ODAD4: variants seen among roughly 807,000 people sequenced by gnomAD.
ODAD4 encodes outer dynein arm-docking complex subunit 4.
ODAD4 carries 49 observed loss-of-function variants against 51.8 expected under a neutral mutation model. The observed-to-expected ratio is 0.95, with a 90% CI of 0.75 to 1.20. The LOEUF (loss-of-function observed/expected upper bound fraction) is 1.20. Ranked by LOEUF, ODAD4 falls within the 50% of genes most tolerant of loss-of-function variation. The probability of loss-of-function intolerance (pLI) is 0.00; values close to 1 mark genes in which losing one functional copy is unlikely to be tolerated. For missense variants in ODAD4, 590 were observed against 586.5 expected (o/e 1.01, Z -0.06); for synonymous variants, 235 against 221.3 (o/e 1.06, Z -0.55).
chr17:41,958,538 T>TGTA (rs2050762671), intron 10 of ODAD4, among the ~76,000 whole-genome samples: 1 of 151,686 alleles, frequency 6.6e-6, no homozygotes, highest in Non-Finnish European at 1.5e-5. Context: ...GGCACACACC[T>TGTA]GTAGTCCCAG....
rs1598083444 is a variant in ODAD4, at chr17:41,949,281, A to G, written c.1274A>G (p.Gln425Arg). ...CAGAATTATGGCGAGAAGTCCCAGC[A>G]GTGTGCCGAGGAGGAAGGGGACATT... ...QAQNYGEKSQ[Q>R]CAEEEGDIEW... Residue 425 changes from glutamine to arginine, a missense_variant, in exon 9 of 12, where the codon CAG becomes CGG. Gln to Arg is a conservative substitution (Grantham distance 43). This residue lies in a region of ODAD4 where 226 missense variants were observed against 162.7 expected (regional missense o/e 1.39). Coordinates refer to ENST00000377540, the MANE Select transcript of ODAD4 (RefSeq NM_031421.5). 2.5e-6 allele frequency: 1 copy of G among 398,678 alleles called. No individual in the cohort carries two copies. The highest frequency in any genetic ancestry group is 3.6e-5 in the East Asian group (1 of 28,070). The allele number at this position is 398,678 out of a possible 1,614,324, so 24.7% of individuals were successfully genotyped here. A position where few individuals can be genotyped will look rare whatever the true frequency, so the allele number is the denominator to read the frequency against.
At chr17:41,945,099 T>G (rs374567885) in intron 7 of ODAD4, 37 bp from the exon 8 acceptor site, 2 of 1,544,888 alleles carry the variant, frequency 1.3e-6, no homozygotes, top group Non-Finnish European at 1.8e-6. Flanking sequence ...GAACAGCTGA[T>G]TTCTAGTGAA....
intron 10 of ODAD4, 40 bp downstream of exon 10, chr17:41,955,357 GGGGTT>G: frequency 1.3e-6 from 1 of 743,502 alleles, no homozygotes; most frequent in African/African-American, 1.7e-5. Flanking sequence ...TGTCAGGAGT[GGGGTT>G]GGGTGGTCAG....
At chr17:41,946,605 G>A (rs542908034) in intron 8 of ODAD4, among the ~76,000 whole-genome samples, 111 of 152,108 alleles carry the variant, frequency 7.3e-4, no homozygotes, top group African/African-American at 2.5e-3. Flanking sequence ...GATTACAGGC[G>A]TGAGCCACCG....
intron 11 of ODAD4, among the ~76,000 whole-genome samples, chr17:41,964,472 G>A (rs1209613972): frequency 6.6e-6 from 1 of 152,154 alleles, no homozygotes. Flanking sequence ...CTCACGTGAT[G>A]CACAGGACGG....
chr17:41,965,300 T>C lies in ODAD4; in HGVS notation c.1836T>C (p.Tyr612=), dbSNP rs782125166. 7 of 780,346 alleles carry C rather than the reference T, an allele frequency of 9.0e-6. No individual in the cohort carries two copies. The highest frequency in any genetic ancestry group is 4.8e-5 in the East Asian group (2 of 41,258). 48.3% of individuals were successfully genotyped at this position (780,346 alleles called of 1,614,324 possible). A position where few individuals can be genotyped will look rare whatever the true frequency, so the allele number is the denominator to read the frequency against. The change falls in exon 12 of 12, where the codon TAT becomes TAC. Residue 612 remains tyrosine (Y), a synonymous_variant. Transcript: ENST00000377540. ...EAGRRESREI[Y]RRPSGELEQR... is the part of the protein sequence containing the mutation. ...GCAGAAGAGAGTCAAGAGAAATTTATAGGAGGCCTTCGGGAGAATTAGAGC... is the reference window on the plus strand; with the variant it reads ...GCAGAAGAGAGTCAAGAGAAATTTACAGGAGGCCTTCGGGAGAATTAGAGC...
At chr17:41,944,433 C>CAA (rs2050554479) in intron 7 of ODAD4, among the ~76,000 whole-genome samples, 1 of 5,766 alleles carries the variant, frequency 1.7e-4, no homozygotes, top group Non-Finnish European at 8.3e-4. Context: ...CACACACACA[C>CAA]ACACACACAC....
In ODAD4 at chr17:41,936,926, A is replaced by T. The variant is rs879996172; in HGVS notation, c.624A>T (p.Glu208Asp). The change falls in exon 5 of 12, where the codon GAA becomes GAT. Residue 208 changes from glutamate (E) to aspartate (D), a missense_variant and splice_region_variant. Physicochemically the swap from Glu to Asp is conservative, Grantham distance 45. Transcript: ENST00000377540. Reference sequence around the variant, plus strand: ...ATTTGGAGAAGCTCCTATTGGATGAAGGTTTCGGACACTTTGTTGGCACGG... The same window carrying T: ...ATTTGGAGAAGCTCCTATTGGATGATGGTTTCGGACACTTTGTTGGCACGG... The part of the protein sequence containing the change: ...KEYLEKLLLD[E>D]DLIKGTMKGG... The T allele has an allele frequency of 1.7e-5, 28 of 1,613,634 alleles. No individual in the cohort carries two copies. The South Asian group carries it at 2.5e-4, about 15-fold the overall frequency.
chr17:41,941,187 C>T (rs1473307508), intron 7 of ODAD4, among the ~76,000 whole-genome samples: 2 of 152,206 alleles, frequency 1.3e-5, no homozygotes, highest in Admixed American at 6.5e-5. Context: ...TGCCTGTTTC[C>T]TCTGACCTGG....
In ODAD4 at chr17:41,930,640, G is replaced by A; in HGVS notation, c.-84G>A. 1.1e-6 allele frequency: 1 copy of A among 905,822 alleles called. No individual in the cohort carries two copies. The highest frequency in any genetic ancestry group is 1.7e-6 in the Non-Finnish European group (1 of 574,698). 56.1% of individuals were successfully genotyped at this position (905,822 alleles called of 1,614,324 possible). A position where few individuals can be genotyped will look rare whatever the true frequency, so the allele number is the denominator to read the frequency against. ...TCGCTGTACATCTCATGGTTGCTAA[G>A]AAACGGAGCTTCCACAAACCAGATA... On this transcript the variant is annotated 5_prime_UTR_variant, in exon 1 of 12. Transcript: ENST00000377540.
rs782419190 is a variant in ODAD4 at position 41,944,430 on chromosome 17, ACACACACACACACAC to A, written c.1059-704_1059-690del. ...CACACACACACACACACACACACAC[ACACACACACACACAC>A]CCCCCCGCATACACAGAAATTGCCT... On this transcript the variant is annotated intron_variant, in intron 7 of 11. Coordinates refer to ENST00000377540, the MANE Select transcript of ODAD4 (RefSeq NM_031421.5). Among the ~76,000 whole-genome samples the A allele has an allele frequency of 7.2e-3, 148 of 20,512 alleles. 1 individual carries two copies. The highest frequency in any genetic ancestry group is 0.065 in the South Asian group (16 of 248). The allele number at this position is 20,512 out of a possible 152,430, so 13.5% of individuals were successfully genotyped here. A position where few individuals can be genotyped will look rare whatever the true frequency, so the allele number is the denominator to read the frequency against.
Position 41,953,664 on chromosome 17 carries a change from T to G in ODAD4, c.1343-1553T>G, listed in dbSNP as rs371834115. Among the ~76,000 whole-genome samples, 532 of 148,276 alleles carry G rather than the reference T, an allele frequency of 3.6e-3. 2 individuals carry two copies. The highest frequency in any genetic ancestry group is 4.8e-3 in the African/African-American group (191 of 40,142). ...CTCTATTAATTTAATTATATATATA[T>G]ATATAGAGAGAGAGAGAGAGAGAGA... On this transcript the variant is annotated intron_variant, in intron 9 of 11. Coordinates refer to ENST00000377540, the MANE Select transcript of ODAD4 (RefSeq NM_031421.5).
chr17:41,945,092 C>A (rs1555639305), intron 7 of ODAD4, 44 bp from the exon 8 acceptor site: 1 of 1,497,012 alleles, frequency 6.7e-7, no homozygotes, highest in South Asian at 1.2e-5. Context: ...GTGCCTAGAA[C>A]AGCTGATTTC....
chr17:41,957,534 G>A (rs1239990896), intron 10 of ODAD4, among the ~76,000 whole-genome samples: 1 of 152,156 alleles, frequency 6.6e-6, no homozygotes, highest in East Asian at 1.9e-4. Context: ...TTGACGTTAG[G>A]ACTTGCAGTT....
chr17:41,962,293 C>CAGGTGCAGAGGGGCATA (rs1425870091), intron 11 of ODAD4, among the ~76,000 whole-genome samples: 4 of 152,176 alleles, frequency 2.6e-5, no homozygotes, highest in Non-Finnish European at 4.4e-5. Context: ...GTGTGATGGG[C>CAGGTGCAGAGGGGCATA]AGGTGCAGAG....
intron 9 of ODAD4, among the ~76,000 whole-genome samples, chr17:41,954,769 G>A: frequency 6.6e-6 from 1 of 150,778 alleles, no homozygotes; most frequent in East Asian, 1.9e-4. Flanking sequence ...AGAATCGCTT[G>A]AACCTGGGAG....
rs1365503334 is a variant in ODAD4, at chr17:41,939,091, T to C, written c.977T>C (p.Ile326Thr). 7 of 1,613,806 alleles carry C rather than the reference T, an allele frequency of 4.3e-6. No individual in the cohort carries two copies. In the African/African-American group the frequency reaches 6.7e-5, roughly 15 times the overall value. ...CTGGTTGGAAACTTGTATAGCTGCA[T>C]AGGGAATGCCCAGATTGAGCTGGGG... is the stretch of plus-strand genomic sequence containing the variant. ...DELVGNLYSC[I>T]GNAQIELGQM... The change falls in exon 7 of 12, where the codon ATA becomes ACA. Residue 326 changes from isoleucine to threonine, a missense_variant. Ile to Thr is a moderately conservative substitution (Grantham distance 89). Coordinates refer to ENST00000377540, the MANE Select transcript of ODAD4 (RefSeq NM_031421.5).
rs1242400087 is a variant in ODAD4 at position 41,931,196 on chromosome 17, CT to C, written c.114+360del. Reference sequence around the variant, plus strand: ...AGGCGTGAGCCACTGCGCCTGCCCCCTGCCCTCACCTTTTGATTGCAGATAA... The same window carrying C: ...AGGCGTGAGCCACTGCGCCTGCCCCCGCCCTCACCTTTTGATTGCAGATAA... On this transcript the variant is annotated intron_variant, in intron 1 of 11. Transcript: ENST00000377540. Among the ~76,000 whole-genome samples the C allele has an allele frequency of 4.6e-5, 7 of 152,184 alleles. No homozygotes were observed. The East Asian group carries it at 9.7e-4, about 21-fold the overall frequency.
intron 5 of ODAD4, among the ~76,000 whole-genome samples, chr17:41,937,997 T>A (rs934359748): frequency 6.6e-6 from 1 of 152,204 alleles, no homozygotes; most frequent in Non-Finnish European, 1.5e-5. Flanking sequence ...CTGGCACATC[T>A]CCTTAGCAAC....
Sources: allele counts gnomAD v4.1 joint callset (sites outside exome capture counted in the v4.1 genomes callset), GRCh38; gene constraint gnomAD v4.1.1; regional missense constraint gnomAD v4.1.1; transcripts MANE v1.5; gene names NCBI Gene and HGNC (gene_info 2026-07-23, HGNC 2026-07-21).